Variants in IKZF3 observed in about 807,000 individuals in gnomAD.
IKZF3 encodes the protein zinc finger protein Aiolos.
In IKZF3, 10 loss-of-function variants were observed where a neutral mutation model predicts 49.0. The observed-to-expected ratio is 0.20, with a 90% CI of 0.13 to 0.35. The LOEUF (loss-of-function observed/expected upper bound fraction) is 0.35. IKZF3 is among the 10% of genes least tolerant of loss of function. The pLI is 1.00. For synonymous variants in IKZF3, 209 were observed against 228.2 expected (o/e 0.92, Z 0.76); for missense variants, 498 against 664.8 (o/e 0.75, Z 2.76).
intron 1 of IKZF3, among the ~76,000 whole-genome samples, chr17:39,842,035 CA>C (rs1289548051): frequency 8.7e-5 from 2 of 22,984 alleles, no homozygotes; most frequent in Non-Finnish European, 1.9e-4. Context: ...GACAACAAAG[CA>C]AAAAAAAAAA....
At chr17:39,834,926 TG>T (rs1253302799) in intron 1 of IKZF3, 1 of 355,466 alleles carries the variant, frequency 2.8e-6, no homozygotes, top group Admixed American at 3.6e-5. Context: ...GGAGAAGCCA[TG>T]GGAGGGGGTA....
chr17:39,795,110 C>T (rs1598030031), intron 3 of IKZF3, among the ~76,000 whole-genome samples: 2 of 152,198 alleles, frequency 1.3e-5, no homozygotes, highest in East Asian at 1.9e-4. Flanking sequence ...AAACAGAGGA[C>T]ATAAGAGAGC....
Position 39,775,838 on chromosome 17 carries a change from C to A in IKZF3, c.826+1813G>T, listed in dbSNP as rs533069834. ...ACTCAGGAGGCTGAGGCAGGAAAAT[C>A]GCTTGAACCCAGGAGGCAGAGGTTG... On this transcript the variant is annotated intron_variant, in intron 7 of 7. Transcript: ENST00000346872. Among the ~76,000 whole-genome samples, 303 of 151,498 alleles carry A rather than the reference C, an allele frequency of 2.0e-3. 3 individuals carry two copies. The highest frequency in any genetic ancestry group is 7.1e-3 in the African/African-American group (294 of 41,278).
chr17:39,795,996 C>T (rs1481287760), intron 3 of IKZF3, among the ~76,000 whole-genome samples: 5 of 151,702 alleles, frequency 3.3e-5, no homozygotes, highest in African/African-American at 2.4e-5. Context: ...GACCCGAGAT[C>T]GTACCACTGC....
intron 1 of IKZF3, among the ~76,000 whole-genome samples, chr17:39,845,366 C>CA (rs202035597): frequency 1.2e-3 from 175 of 149,834 alleles, no homozygotes; most frequent in African/African-American, 3.4e-3. Flanking sequence ...TAAAAAAATA[C>CA]AAAAAAAAAT....
At chr17:39,783,551 A>T (rs2060797558) in intron 6 of IKZF3, among the ~76,000 whole-genome samples, 1 of 152,068 alleles carries the variant, frequency 6.6e-6, no homozygotes, top group Admixed American at 6.5e-5. Flanking sequence ...GGAACTCCTG[A>T]CCTCGCGATC....
intron 3 of IKZF3, among the ~76,000 whole-genome samples, chr17:39,818,521 T>C (rs538539130): frequency 2.0e-5 from 3 of 152,280 alleles, no homozygotes; most frequent in East Asian, 3.9e-4. Flanking sequence ...TATAATCTGT[T>C]TGCAGATTAA....
rs1567948151 is a variant in IKZF3, at chr17:39,763,538, T to C, written c.*2252A>G. ...TTTGGCAAACAGCTGCATGTGCCAA[T>C]TTGTGTGTATGCTTTGTGGCAAGAT... On this transcript the variant is annotated 3_prime_UTR_variant, in exon 8 of 8. Coordinates refer to ENST00000346872, the MANE Select transcript of IKZF3 (RefSeq NM_012481.5). 1 of 152,148 alleles carries C rather than the reference T, an allele frequency of 6.6e-6. No homozygotes were observed. Among genetic ancestry groups the C allele is most frequent in the African/African-American group, 2.4e-5 (1 of 41,422 alleles). The allele number at this position is 152,148 out of a possible 1,614,324, so 9.4% of individuals were successfully genotyped here.
chr17:39,784,617 T>C (rs980775803), intron 6 of IKZF3, among the ~76,000 whole-genome samples: 1 of 152,174 alleles, frequency 6.6e-6, no homozygotes, highest in Non-Finnish European at 1.5e-5. Flanking sequence ...TTGGCCAAGA[T>C]GGTCTCCATC....
chr17:39,816,399 G>C (rs544227909), intron 3 of IKZF3, among the ~76,000 whole-genome samples: 7 of 152,264 alleles, frequency 4.6e-5, no homozygotes, highest in Non-Finnish European at 1.0e-4. Flanking sequence ...TATACACTAG[G>C]TTAGGAGTAA....
chr17:39,835,976 G>A, intron 1 of IKZF3: 1 of 637,362 alleles, frequency 1.6e-6, no homozygotes, highest in Non-Finnish European at 2.9e-6. Flanking sequence ...GAGGTTTGTT[G>A]ATGTAGCTCT....
chr17:39,790,980 A>G (rs746406501), intron 5 of IKZF3, among the ~76,000 whole-genome samples: 16 of 152,240 alleles, frequency 1.1e-4, no homozygotes, highest in South Asian at 2.1e-4. Flanking sequence ...GCCCCCAAAC[A>G]ATGATTTATA....
chr17:39,813,099 C>G (rs942485030), intron 3 of IKZF3, among the ~76,000 whole-genome samples: 2 of 107,264 alleles, frequency 1.9e-5, no homozygotes, highest in African/African-American at 3.9e-5. Flanking sequence ...AAGACTCCAT[C>G]TCAAAAAATA....
At chr17:39,816,577 A>C (rs139864695) in intron 3 of IKZF3, among the ~76,000 whole-genome samples, 193 of 152,378 alleles carry the variant, frequency 1.3e-3, no homozygotes, top group Admixed American at 2.2e-3. Flanking sequence ...ACAAAGCCTA[A>C]GATATTTACT....
At chr17:39,802,273 A>G (rs1349390488) in intron 3 of IKZF3, among the ~76,000 whole-genome samples, 2 of 150,726 alleles carry the variant, frequency 1.3e-5, no homozygotes, top group East Asian at 3.9e-4. Flanking sequence ...ATATCTCAAT[A>G]CAGGTTTGGA....
chr17:39,864,208 G>T lies in IKZF3; in HGVS notation c.-82C>A, dbSNP rs1225443096. 4.6e-6 allele frequency: 7 copies of T among 1,511,596 alleles called. No individual in the cohort carries two copies. The highest frequency in any genetic ancestry group is 6.3e-6 in the Non-Finnish European group (7 of 1,115,286). 93.6% of individuals were successfully genotyped at this position (1,511,596 alleles called of 1,614,324 possible). A position where few individuals can be genotyped will look rare whatever the true frequency, so the allele number is the denominator to read the frequency against. On this transcript the variant is annotated 5_prime_UTR_variant, in exon 1 of 8. Coordinates refer to ENST00000346872, the MANE Select transcript of IKZF3 (RefSeq NM_012481.5). ...TCCTGCCGTCGCCTGGACTCAGCGC[G>T]CAGCTGGCGGGAGATTCCCGGCGCG...
chr17:39,817,528 G>A (rs767421969), intron 3 of IKZF3, among the ~76,000 whole-genome samples: 14 of 151,874 alleles, frequency 9.2e-5, no homozygotes, highest in Non-Finnish European at 1.9e-4. Context: ...AGCTTCAAAC[G>A]CCTGGGCTCA....
At chr17:39,804,624 G>C (rs1197781628) in intron 3 of IKZF3, among the ~76,000 whole-genome samples, 1 of 152,082 alleles carries the variant, frequency 6.6e-6, no homozygotes, top group Non-Finnish European at 1.5e-5. Flanking sequence ...TAATGCATCA[G>C]AATAAGGTCC....
Position 39,766,051 on chromosome 17 carries a change from G to A in IKZF3, c.1269C>T (p.Arg423=). The stretch of plus-strand genomic sequence containing the variant: ...GCGGGGGCTTGAGGAGTTCGTAAGA[G>A]CGGGGAACCTCCTTCAGAAGTGGCA... ...NGMPLLKEVP[R]SYELLKPPPI... is the part of the protein sequence containing the mutation. The change falls in exon 8 of 8, where the codon CGC becomes CGT. Residue 423 remains arginine, a synonymous_variant. Transcript: ENST00000346872. 6.2e-7 allele frequency: 1 copy of A among 1,614,180 alleles called. No homozygotes were observed. The highest frequency in any genetic ancestry group is 8.5e-7 in the Non-Finnish European group (1 of 1,180,022).
Sources: allele counts gnomAD v4.1 joint callset (sites outside exome capture counted in the v4.1 genomes callset), GRCh38; gene constraint gnomAD v4.1.1; transcripts MANE v1.5; gene names NCBI Gene and HGNC (gene_info 2026-07-23, HGNC 2026-07-21).